GHR: variants seen among roughly 807,000 people sequenced by gnomAD.
GHR encodes growth hormone receptor, also known as GH receptor.
GHR carries 35 observed loss-of-function variants against 67.1 expected under a neutral mutation model. The ratio of observed to expected loss-of-function variants is 0.52; its 90% CI spans 0.40 to 0.69. The LOEUF (loss-of-function observed/expected upper bound fraction) is 0.69. Among genes scored for constraint, GHR ranks in the 30% least tolerant of loss-of-function variants. The pLI is 0.00. For synonymous variants in GHR, 272 were observed against 269.1 expected (o/e 1.01, Z -0.10); for missense variants, 792 against 764.6 (o/e 1.04, Z -0.42).
chr5:42,611,068 T>C (rs765896942), intron 2 of GHR, among the ~76,000 whole-genome samples: 4 of 152,182 alleles, frequency 2.6e-5, no homozygotes, highest in African/African-American at 4.8e-5. Flanking sequence ...AAGAAATGCA[T>C]TGATGAAGGC....
intron 8 of GHR, among the ~76,000 whole-genome samples, chr5:42,717,319 A>T (rs1257378013): frequency 2.0e-5 from 3 of 152,202 alleles, no homozygotes; most frequent in African/African-American, 4.8e-5. Flanking sequence ...AAAAAAAATT[A>T]AAAACACCAT....
At chr5:42,602,728 A>G (rs999469063) in intron 2 of GHR, among the ~76,000 whole-genome samples, 3 of 152,098 alleles carry the variant, frequency 2.0e-5, no homozygotes, top group African/African-American at 4.8e-5. Context: ...TAACTGTCCA[A>G]TTTATGCTGA....
intron 1 of GHR, among the ~76,000 whole-genome samples, chr5:42,558,505 C>T (rs538139108): frequency 2.0e-5 from 3 of 152,238 alleles, no homozygotes; most frequent in South Asian, 2.1e-4. Context: ...TCATGCACCA[C>T]GTAATGACTT....
At chr5:42,715,166 T>C (rs1430516652) in intron 8 of GHR, 1 of 285,204 alleles carries the variant, frequency 3.5e-6, no homozygotes, top group Admixed American at 4.5e-5. Flanking sequence ...TTCTCCCAAA[T>C]TTCCTGCACT....
chr5:42,650,765 T>C (rs1468606761), intron 3 of GHR, among the ~76,000 whole-genome samples: 8 of 152,104 alleles, frequency 5.3e-5, no homozygotes, highest in Admixed American at 4.6e-4. Context: ...ATGATTGTTA[T>C]AATTGTTGCT....
chr5:42,582,251 CA>C (rs1751216472), intron 2 of GHR, among the ~76,000 whole-genome samples: 2 of 152,270 alleles, frequency 1.3e-5, no homozygotes, highest in Admixed American at 1.3e-4. Flanking sequence ...GCTCCACCTT[CA>C]AGCCAGGGAT....
rs1758957858 is a variant in GHR at position 42,720,309 on chromosome 5, A to AC, written c.*887dup. ...AAAAGAAGTAAAAGCAAAAAAGAAAACCTTTCTTCACCAAATCTTGGTTGA... is the reference window on the plus strand; with the variant it reads ...AAAAGAAGTAAAAGCAAAAAAGAAAACCCTTTCTTCACCAAATCTTGGTTGA... On this transcript the variant is annotated 3_prime_UTR_variant, in exon 10 of 10. Coordinates refer to ENST00000230882, the MANE Select transcript of GHR (RefSeq NM_000163.5). The AC allele has an allele frequency of 6.6e-6, 1 of 152,158 alleles. No homozygotes were observed. 9.4% of individuals were successfully genotyped at this position (152,158 alleles called of 1,614,324 possible).
rs564422258 is a variant in GHR, at chr5:42,589,054, A to T, written c.70+23110A>T. On this transcript the variant is annotated intron_variant, in intron 2 of 9. Coordinates refer to ENST00000230882, the MANE Select transcript of GHR (RefSeq NM_000163.5). ...AAAGGAAAGGAAGTACATTTCCTATAATGATTTGTTCTTAGTGAAGCCATG... is the reference window on the plus strand; with the variant it reads ...AAAGGAAAGGAAGTACATTTCCTATTATGATTTGTTCTTAGTGAAGCCATG... Among the ~76,000 whole-genome samples, 681 of 152,314 alleles carry T rather than the reference A, an allele frequency of 4.5e-3. 4 individuals carry two copies. The highest frequency in any genetic ancestry group is 6.8e-3 in the Middle Eastern group (2 of 294).
At chr5:42,600,864 A>T (rs1474069414) in intron 2 of GHR, among the ~76,000 whole-genome samples, 2 of 142,392 alleles carry the variant, frequency 1.4e-5, no homozygotes, top group Non-Finnish European at 1.5e-5. Context: ...ATAGTTTTAG[A>T]TTGTCAAACT....
chr5:42,708,567 C>A (rs1758295640), intron 6 of GHR, among the ~76,000 whole-genome samples: 1 of 151,954 alleles, frequency 6.6e-6, no homozygotes, highest in Non-Finnish European at 1.5e-5. Context: ...CCAACTAAAC[C>A]AAACTCTTTA....
chr5:42,582,942 G>A (rs867053216), intron 2 of GHR, among the ~76,000 whole-genome samples: 8 of 152,198 alleles, frequency 5.3e-5, no homozygotes, highest in Admixed American at 3.3e-4. Context: ...ACCCACTCAC[G>A]TATCCCTCAT....
intron 5 of GHR, 46 bp from the exon 6 acceptor site, chr5:42,699,778 T>C (rs201878825): frequency 5.5e-5 from 70 of 1,279,210 alleles, no homozygotes; most frequent in Non-Finnish European, 6.7e-5. Flanking sequence ...TCCATTAATA[T>C]TAAATTGTGT....
chr5:42,704,185 T>C (rs1272762064), intron 6 of GHR, among the ~76,000 whole-genome samples: 1 of 152,020 alleles, frequency 6.6e-6, no homozygotes, highest in Non-Finnish European at 1.5e-5. Context: ...TTTATTATGA[T>C]GTGAGTTTGT....
intron 3 of GHR, among the ~76,000 whole-genome samples, chr5:42,643,036 G>A (rs533788740): frequency 6.6e-6 from 1 of 152,122 alleles, no homozygotes; most frequent in African/African-American, 2.4e-5. Flanking sequence ...AATTATATCT[G>A]TAAAGACCCT....
intron 3 of GHR, among the ~76,000 whole-genome samples, chr5:42,637,438 C>A (rs1754254892): frequency 6.6e-6 from 1 of 152,120 alleles, no homozygotes. Flanking sequence ...TGTTTTTCAA[C>A]TCACACCCCG....
intron 3 of GHR, among the ~76,000 whole-genome samples, chr5:42,687,351 C>T (rs1316121507): frequency 1.3e-5 from 2 of 152,174 alleles, no homozygotes; most frequent in Non-Finnish European, 2.9e-5. Context: ...AAAAATGAGC[C>T]TGCATAGCCA....
At chr5:42,614,946 A>G (rs1244243031) in intron 2 of GHR, among the ~76,000 whole-genome samples, 2 of 152,052 alleles carry the variant, frequency 1.3e-5, no homozygotes, top group African/African-American at 4.8e-5. Flanking sequence ...TAAAATGTTT[A>G]TCCCTGTGTA....
intron 1 of GHR, among the ~76,000 whole-genome samples, chr5:42,498,205 C>G (rs543962776): frequency 2.6e-5 from 4 of 152,166 alleles, no homozygotes; most frequent in Admixed American, 6.5e-5. Context: ...ATGCCTAGAG[C>G]CTTGTTTACT....
chr5:42,513,345 C>T (rs547026301), intron 1 of GHR, among the ~76,000 whole-genome samples: 3 of 152,146 alleles, frequency 2.0e-5, no homozygotes, highest in Non-Finnish European at 4.4e-5. Context: ...GTGGATTATC[C>T]AGCTCTAGTC....
Sources: allele counts gnomAD v4.1 joint callset (sites outside exome capture counted in the v4.1 genomes callset), GRCh38; gene constraint gnomAD v4.1.1; transcripts MANE v1.5; gene names NCBI Gene and HGNC (gene_info 2026-07-23, HGNC 2026-07-21).